PCDHA7: variants seen among roughly 807,000 people sequenced by gnomAD.
The protein encoded by PCDHA7 is protocadherin alpha 7.
PCDHA7 carries 37 observed loss-of-function variants against 57.2 expected under a neutral mutation model. The ratio of observed to expected loss-of-function variants is 0.65; its 90% CI spans 0.50 to 0.85. The LOEUF is 0.85. Ranked by LOEUF, PCDHA7 falls within the 40% of genes least tolerant of loss-of-function variation. PCDHA7 has a pLI of 0.00. For missense variants in PCDHA7, 1,188 were observed against 1,241.8 expected (o/e 0.96, Z 0.65); for synonymous variants, 553 against 558.8 (o/e 0.99, Z 0.15).
intron 1 of PCDHA7, chr5:140,877,106 TG>T: frequency 6.2e-7 from 1 of 1,613,554 alleles, no homozygotes. Flanking sequence ...GTGCCGCCTC[TG>T]GGCAGCAACG....
In PCDHA7 at chr5:140,927,750, G is replaced by T. The variant is rs155819; in HGVS notation, c.2356-51199G>T. The T allele has an allele frequency of 1.4e-3, 2,310 of 1,614,204 alleles. 26 individuals carry two copies. In the African/African-American group the frequency reaches 0.026, roughly 18 times the overall value. On this transcript the variant is annotated intron_variant, in intron 1 of 3. Coordinates refer to ENST00000525929, the MANE Select transcript of PCDHA7 (RefSeq NM_018910.3). ...CAGAGCTGCGACACCGCTTTCACGT[G>T]CACCCTAAAAGTGGGGAGGTGCAAG...
intron 1 of PCDHA7, chr5:140,862,713 C>CG (rs2153223672): frequency 1.8e-6 from 1 of 561,970 alleles, no homozygotes; most frequent in East Asian, 4.9e-5. Flanking sequence ...AGCGGGTGGG[C>CG]GAGTGCGCGC....
chr5:140,915,306 A>G (rs999638953), intron 1 of PCDHA7, among the ~76,000 whole-genome samples: 1 of 152,136 alleles, frequency 6.6e-6, no homozygotes, highest in Non-Finnish European at 1.5e-5. Context: ...ATAAGTTTAC[A>G]TACCACAATT....
intron 1 of PCDHA7, among the ~76,000 whole-genome samples, chr5:140,975,626 G>A (rs1234889198): frequency 6.6e-6 from 1 of 152,156 alleles, no homozygotes; most frequent in African/African-American, 2.4e-5. Flanking sequence ...GATTTCCATG[G>A]TACGAAGATA....
At chr5:140,840,399 T>A (rs1321013469) in intron 1 of PCDHA7, among the ~76,000 whole-genome samples, 1 of 151,988 alleles carries the variant, frequency 6.6e-6, no homozygotes, top group African/African-American at 2.4e-5. Context: ...GATATGGAGT[T>A]AAGAATACTT....
At chr5:140,987,239 G>T (rs1005484275) in intron 3 of PCDHA7, among the ~76,000 whole-genome samples, 6 of 151,586 alleles carry the variant, frequency 4.0e-5, no homozygotes, top group East Asian at 1.9e-4. Flanking sequence ...AATAAATAAA[G>T]AAAGAAAGAC....
chr5:140,895,515 G>A (rs2065042106), intron 1 of PCDHA7, among the ~76,000 whole-genome samples: 1 of 151,948 alleles, frequency 6.6e-6, no homozygotes, highest in Non-Finnish European at 1.5e-5. Flanking sequence ...ATTTTTAATT[G>A]GTTTATTCGT....
Position 140,843,491 on chromosome 5 carries a change from T to C in PCDHA7, c.2355+6753T>C, listed in dbSNP as rs2150361204. 8 of 1,595,956 alleles carry C rather than the reference T, an allele frequency of 5.0e-6. 1 individual carries two copies. Among genetic ancestry groups the C allele is most frequent in the South Asian group, 1.1e-5 (1 of 90,486 alleles). On this transcript the variant is annotated intron_variant, in intron 1 of 3. Transcript: ENST00000525929. Reference sequence around the variant, plus strand: ...GCTGCTGTACACTGCGCTGCGGTGCTCAGCACTGCCCACTGAGGGCGGGTG... The same window carrying C: ...GCTGCTGTACACTGCGCTGCGGTGCCCAGCACTGCCCACTGAGGGCGGGTG...
chr5:140,870,472 C>G (rs782403878), intron 1 of PCDHA7: 4 of 1,614,240 alleles, frequency 2.5e-6, no homozygotes, highest in South Asian at 1.1e-5. Flanking sequence ...GTTCGCACAG[C>G]CCGAGTACAC....
At chr5:140,976,470 G>A (rs1388811059) in intron 1 of PCDHA7, among the ~76,000 whole-genome samples, 3 of 152,116 alleles carry the variant, frequency 2.0e-5, no homozygotes, top group Non-Finnish European at 4.4e-5. Context: ...AGAATTGCTT[G>A]AATCCGGGAG....
intron 1 of PCDHA7, chr5:140,842,083 C>T (rs2150328949): frequency 1.3e-4 from 212 of 1,613,806 alleles, no homozygotes; most frequent in East Asian, 1.3e-3. Context: ...TATTCGAAAA[C>T]GCAGACAACG....
chr5:140,854,123 CT>C (rs1554147020), intron 1 of PCDHA7: 1 of 348,562 alleles, frequency 2.9e-6, no homozygotes, highest in Non-Finnish European at 3.9e-6. Context: ...GATGGCACAA[CT>C]GCATTTCAGC....
chr5:140,933,677 T>A (rs1024721491), intron 1 of PCDHA7, among the ~76,000 whole-genome samples: 8 of 151,826 alleles, frequency 5.3e-5, no homozygotes, highest in African/African-American at 1.9e-4. Context: ...CTCTCTCACA[T>A]TTTTTTTCCT....
In PCDHA7 at chr5:140,855,846, C is replaced by T. The variant is rs112115141; in HGVS notation, c.2355+19108C>T. ...CATGGAATCGTACTTACACCTAAAG[C>T]CACCGGATGTCGCTGTCGTCCACAA... is the stretch of plus-strand genomic sequence containing the variant. On this transcript the variant is annotated intron_variant, in intron 1 of 3. Coordinates refer to ENST00000525929, the MANE Select transcript of PCDHA7 (RefSeq NM_018910.3). The T allele has an allele frequency of 3.0e-3, 1,971 of 647,788 alleles. 109 individuals are homozygous for T. In the African/African-American group the frequency reaches 0.032, roughly 11 times the overall value. The allele number at this position is 647,788 out of a possible 1,614,324, so 40.1% of individuals were successfully genotyped here.
At chr5:140,883,467 C>T in intron 1 of PCDHA7, 1 of 1,614,170 alleles carries the variant, frequency 6.2e-7, no homozygotes, top group Non-Finnish European at 8.5e-7. Flanking sequence ...CTGGTGTCCA[C>T]CTACAAGAAC....
chr5:140,971,771 T>C (rs1433692038), intron 1 of PCDHA7, among the ~76,000 whole-genome samples: 1 of 152,192 alleles, frequency 6.6e-6, no homozygotes, highest in Non-Finnish European at 1.5e-5. Context: ...TCTTGAATAT[T>C]ATTCAAGATT....
chr5:140,932,042 A>G (rs1419099942), intron 1 of PCDHA7, among the ~76,000 whole-genome samples: 1 of 151,970 alleles, frequency 6.6e-6, no homozygotes, highest in Non-Finnish European at 1.5e-5. Flanking sequence ...ATATTAACAT[A>G]GCCTGTAATA....
chr5:140,935,045 G>T (rs1382389528), intron 1 of PCDHA7, among the ~76,000 whole-genome samples: 1 of 151,952 alleles, frequency 6.6e-6, no homozygotes, highest in Non-Finnish European at 1.5e-5. Flanking sequence ...TTGATTTCTG[G>T]TATTACAAGA....
At chr5:140,919,387 G>A (rs180927321) in intron 1 of PCDHA7, among the ~76,000 whole-genome samples, 420 of 152,292 alleles carry the variant, frequency 2.8e-3, no homozygotes, top group Middle Eastern at 6.8e-3. Context: ...ATAGTTGGAT[G>A]TTGTTTTCCT....
Sources: gnomAD v4.1 joint callset for allele counts (sites outside exome capture counted in the v4.1 genomes callset) on GRCh38, gnomAD v4.1.1 for gene constraint, MANE v1.5 for transcripts, NCBI Gene and HGNC (gene_info 2026-07-23, HGNC 2026-07-21) for gene names.